PHLPP2: variants seen among roughly 807,000 people sequenced by gnomAD.
PHLPP2 encodes the protein PH domain and leucine rich repeat protein phosphatase 2.
Under a neutral mutation model 124.9 loss-of-function variants are expected in PHLPP2, and 66 were observed. The ratio of observed to expected loss-of-function variants is 0.53; its 90% CI spans 0.43 to 0.65. The LOEUF is 0.65. Ranked by LOEUF, PHLPP2 falls within the 30% of genes least tolerant of loss-of-function variation. The probability of loss-of-function intolerance (pLI) is 0.00; values close to 1 mark genes in which losing one functional copy is unlikely to be tolerated. For missense variants in PHLPP2, 1,685 were observed against 1,600.4 expected (o/e 1.05, Z -0.90); for synonymous variants, 681 against 624.7 (o/e 1.09, Z -1.34).
At chr16:71,723,820 C>T (rs1227040988) in intron 1 of PHLPP2, 4 of 1,262,194 alleles carry the variant, frequency 3.2e-6, no homozygotes, top group African/African-American at 3.2e-5. Context: ...CTTCGGGCGG[C>T]TCCGGGGGCT....
intron 3 of PHLPP2, among the ~76,000 whole-genome samples, chr16:71,697,465 C>T (rs960546585): frequency 2.0e-5 from 3 of 152,108 alleles, no homozygotes; most frequent in Non-Finnish European, 2.9e-5. Flanking sequence ...GTTATATGCC[C>T]CACTACAATT....
At chr16:71,684,384 C>A in intron 5 of PHLPP2, 92 bp downstream of exon 5, 11 of 1,358,438 alleles carry the variant, frequency 8.1e-6, no homozygotes, top group Non-Finnish European at 1.1e-5. Context: ...CCTCGGCCTC[C>A]CAAAGTGCTG....
intron 14 of PHLPP2, 51 bp downstream of exon 14, chr16:71,658,602 C>T (rs760678491): frequency 1.3e-6 from 2 of 1,543,130 alleles, no homozygotes; most frequent in Non-Finnish European, 8.9e-7. Context: ...ATGTCATTCA[C>T]TCTCCTGCCA....
At chr16:71,696,267 T>G (rs1423937150) in intron 3 of PHLPP2, among the ~76,000 whole-genome samples, 1 of 151,390 alleles carries the variant, frequency 6.6e-6, no homozygotes, top group Non-Finnish European at 1.5e-5. Context: ...TGTAGGGAAA[T>G]AAGTACTCTC....
intron 2 of PHLPP2, among the ~76,000 whole-genome samples, chr16:71,710,588 C>T (rs1597017416): frequency 6.6e-6 from 1 of 152,260 alleles, no homozygotes; most frequent in East Asian, 1.9e-4. Context: ...TTGTTAGGTG[C>T]CAGACATCAA....
Position 71,681,817 on chromosome 16 carries a change from G to T in PHLPP2, c.824C>A (p.Thr275Asn). The change falls in exon 6 of 19, where the codon ACC (threonine) becomes AAC (asparagine). Residue 275 changes from threonine (T) to asparagine (N), a missense_variant. Transcript: ENST00000568954. The stretch of plus-strand genomic sequence containing the variant: ...GAAGTTGTGTCGCAAGTTGAGGTAG[G>T]TAATATCTTGACTATAGAAGAGATG... The part of the protein sequence containing the change: ...PEHLFYSQDI[T>N]YLNLRHNFMQ... The T allele has an allele frequency of 6.2e-7, 1 of 1,613,766 alleles. No homozygotes were observed. The highest frequency in any genetic ancestry group is 8.5e-7 in the Non-Finnish European group (1 of 1,179,760).
intron 3 of PHLPP2, among the ~76,000 whole-genome samples, chr16:71,692,855 T>C (rs955518360): frequency 2.6e-5 from 4 of 152,098 alleles, no homozygotes; most frequent in African/African-American, 7.2e-5. Context: ...TTTTGATCCA[T>C]TGTGGATATG....
chr16:71,686,413 A>G (rs551119003), intron 4 of PHLPP2, among the ~76,000 whole-genome samples: 12 of 152,014 alleles, frequency 7.9e-5, no homozygotes, highest in African/African-American at 2.7e-4. Context: ...GACTCAAACA[A>G]TTCTCCTGCC....
chr16:71,645,969 G>A lies in PHLPP2; in HGVS notation c.*2921C>T, dbSNP rs1231159172. Reference sequence around the variant, plus strand: ...TCCTAAACTGCTCCCACAATCAGCAGTGTTCTTCTCTCAGAAATTATCTTA... The same window carrying A: ...TCCTAAACTGCTCCCACAATCAGCAATGTTCTTCTCTCAGAAATTATCTTA... On this transcript the variant is annotated 3_prime_UTR_variant, in exon 19 of 19. Coordinates refer to ENST00000568954, the MANE Select transcript of PHLPP2 (RefSeq NM_015020.3). 6.6e-6 allele frequency: 1 copy of A among 152,514 alleles called. No individual in the cohort carries two copies. Among genetic ancestry groups the A allele is most frequent in the South Asian group, 2.1e-4 (1 of 4,822 alleles). The allele number at this position is 152,514 out of a possible 1,614,324, so 9.4% of individuals were successfully genotyped here. A position where few individuals can be genotyped will look rare whatever the true frequency, so the allele number is the denominator to read the frequency against.
intron 9 of PHLPP2, 101 bp from the exon 10 acceptor site, chr16:71,672,423 A>ACATCAGTTTTCTCT: frequency 1.2e-6 from 1 of 829,204 alleles, no homozygotes; most frequent in Non-Finnish European, 2.0e-6. Context: ...CAGAGAGAAA[A>ACATCAGTTTTCTCT]CTGATGTATT....
chr16:71,656,710 T>C (rs1382745909), intron 15 of PHLPP2, 29 bp from the exon 16 acceptor site: 20 of 1,281,260 alleles, frequency 1.6e-5, no homozygotes, highest in Non-Finnish European at 2.0e-5. Context: ...GATTAAACCA[T>C]ATATTCTTCT....
chr16:71,692,321 G>T (rs147983035), intron 3 of PHLPP2, among the ~76,000 whole-genome samples: 7,210 of 152,046 alleles, frequency 0.047, 584 homozygotes, highest in African/African-American at 0.16. Context: ...CGCCTGCCTC[G>T]GCCTCCCAAA....
At chr16:71,683,169 C>CA (rs1025500382) in intron 5 of PHLPP2, among the ~76,000 whole-genome samples, 1,924 of 131,596 alleles carry the variant, frequency 0.015, 38 homozygotes, top group African/African-American at 0.048. Flanking sequence ...ACTCTGTCTC[C>CA]AAAAAAAAAA....
intron 4 of PHLPP2, among the ~76,000 whole-genome samples, chr16:71,688,377 A>G (rs1229148995): frequency 6.6e-6 from 1 of 152,188 alleles, no homozygotes; most frequent in Admixed American, 6.5e-5. Context: ...TAAGTTTTAA[A>G]TTTTAGTAAC....
In PHLPP2 at chr16:71,690,672, T is replaced by C. The variant is rs140239236; in HGVS notation, c.456A>G (p.Leu152=). 1.5e-5 allele frequency: 25 copies of C among 1,613,214 alleles called. No individual in the cohort carries two copies. The highest frequency in any genetic ancestry group is 8.0e-5 in the African/African-American group (6 of 74,852). Residue 152 remains leucine, a synonymous_variant, in exon 4 of 19, where the codon CTA becomes CTG. Transcript: ENST00000568954. ...PCHMDRLDRI[L]LSGIYNVRKG... ...TGCGTACATTATAGATGCCAGACAATAGGATTCGATCCAAACGATCCATGT... is the reference window on the plus strand; with the variant it reads ...TGCGTACATTATAGATGCCAGACAACAGGATTCGATCCAAACGATCCATGT...
chr16:71,672,474 C>T (rs924056600), intron 9 of PHLPP2, 152 bp from the exon 10 acceptor site: 4 of 636,300 alleles, frequency 6.3e-6, no homozygotes, highest in African/African-American at 1.8e-5. Context: ...TGAAAACTCA[C>T]TTTGACTAAC....
At chr16:71,688,608 G>GTT (rs371183298) in intron 4 of PHLPP2, among the ~76,000 whole-genome samples, 41,379 of 125,454 alleles carry the variant, frequency 0.33, 7,825 homozygotes, top group East Asian at 0.75. Flanking sequence ...TTCTCTGTGG[G>GTT]TTTTTTTTTT....
intron 18 of PHLPP2, among the ~76,000 whole-genome samples, chr16:71,652,559 A>T (rs909041380): frequency 1.3e-5 from 2 of 152,264 alleles, no homozygotes; most frequent in Non-Finnish European, 2.9e-5. Context: ...ATACAGGATC[A>T]CAAATTAGGA....
intron 18 of PHLPP2, 84 bp from the exon 19 acceptor site, chr16:71,650,128 CT>C: frequency 1.0e-6 from 1 of 957,886 alleles, no homozygotes; most frequent in Non-Finnish European, 1.5e-6. Flanking sequence ...GCTTAGGGAA[CT>C]ATAATAAAAC....
Sources: allele counts gnomAD v4.1 joint callset (sites outside exome capture counted in the v4.1 genomes callset), GRCh38; gene constraint gnomAD v4.1.1; transcripts MANE v1.5; gene names NCBI Gene and HGNC (gene_info 2026-07-23, HGNC 2026-07-21).